Variants in PPIL1 observed in about 807,000 individuals in gnomAD.
The protein encoded by PPIL1 is peptidyl-prolyl cis-trans isomerase-like 1.
PPIL1 carries 14 observed loss-of-function variants against 19.4 expected under a neutral mutation model. The observed-to-expected ratio is 0.72, with a 90% CI of 0.48 to 1.13. PPIL1 has a LOEUF of 1.13. Among genes scored for constraint, PPIL1 ranks in the 50% most tolerant of loss-of-function variants. The pLI is 0.00. For synonymous variants in PPIL1, 72 were observed against 73.6 expected, an observed-to-expected ratio of 0.98 and a Z score of 0.11; for missense variants, 192 against 218.0, an observed-to-expected ratio of 0.88 and a Z score of 0.75.
chr6:36,874,645 G>A, intron 1 of PPIL1, 72 bp downstream of exon 1: 2 of 1,575,486 alleles, frequency 1.3e-6, no homozygotes, highest in Non-Finnish European at 1.7e-6. Flanking sequence ...GAACGCGCCA[G>A]GAACGCAGAC....
At chr6:36,868,789 T>C (rs947161918) in intron 2 of PPIL1, among the ~76,000 whole-genome samples, 3 of 151,974 alleles carry the variant, frequency 2.0e-5, no homozygotes, top group Admixed American at 6.6e-5. Context: ...TGAGCCATGA[T>C]TGTATCACTG....
intron 2 of PPIL1, among the ~76,000 whole-genome samples, chr6:36,869,413 G>C (rs76772690): frequency 1.1e-3 from 164 of 152,376 alleles, no homozygotes; most frequent in Middle Eastern, 3.4e-3. Flanking sequence ...AAGTGGCACA[G>C]TGCATCACAC....
intron 1 of PPIL1, chr6:36,872,090 C>T: frequency 2.6e-6 from 1 of 386,828 alleles, no homozygotes; most frequent in South Asian, 6.3e-5. Context: ...CTGGGTACTT[C>T]TTTTCAGCAA....
intron 2 of PPIL1, among the ~76,000 whole-genome samples, chr6:36,868,550 G>A (rs1774438544): frequency 6.6e-6 from 1 of 152,138 alleles, no homozygotes. Flanking sequence ...TCAAAAATGA[G>A]AAGGCAGCCA....
At chr6:36,867,996 G>C (rs1435535542) in intron 2 of PPIL1, among the ~76,000 whole-genome samples, 1 of 152,152 alleles carries the variant, frequency 6.6e-6, no homozygotes, top group East Asian at 1.9e-4. Flanking sequence ...TGGAAACTAG[G>C]CAAACATACC....
intron 1 of PPIL1, 120 bp downstream of exon 1, chr6:36,874,592 CCGCTG>C: frequency 7.6e-7 from 1 of 1,316,958 alleles, no homozygotes; most frequent in South Asian, 1.2e-5. Context: ...GCCGTCTCGG[CCGCTG>C]CTCCACGCCC....
At chr6:36,871,000 C>G (rs1017926703) in intron 2 of PPIL1, among the ~76,000 whole-genome samples, 1 of 152,198 alleles carries the variant, frequency 6.6e-6, no homozygotes, top group Middle Eastern at 3.2e-3. Flanking sequence ...CACATCACAT[C>G]TTACTCAGAA....
At chr6:36,861,764 T>A (rs572691478) in intron 2 of PPIL1, among the ~76,000 whole-genome samples, 2 of 151,920 alleles carry the variant, frequency 1.3e-5, no homozygotes, top group Admixed American at 1.3e-4. Flanking sequence ...TGGTGCCATC[T>A]TGGCTCACCG....
chr6:36,871,964 G>C (rs1452317611), intron 1 of PPIL1, 92 bp from the exon 2 acceptor site: 5 of 1,187,126 alleles, frequency 4.2e-6, no homozygotes, highest in Non-Finnish European at 5.6e-6. Context: ...TGATTTTCAA[G>C]CTTGTAAGTC....
At chr6:36,860,916 TGA>T (rs377719761) in intron 2 of PPIL1, among the ~76,000 whole-genome samples, 77 of 152,318 alleles carry the variant, frequency 5.1e-4, no homozygotes, top group African/African-American at 1.8e-3. Context: ...CAACACTGTT[TGA>T]GAGACTCATC....
chr6:36,870,200 T>C (rs1774480091), intron 2 of PPIL1, among the ~76,000 whole-genome samples: 1 of 151,828 alleles, frequency 6.6e-6, no homozygotes, highest in Non-Finnish European at 1.5e-5. Flanking sequence ...GAAAAGACTC[T>C]GCTATAGAGA....
chr6:36,872,917 G>C lies in PPIL1; in HGVS notation c.57-1045C>G, dbSNP rs1051653941. On this transcript the variant is annotated intron_variant, in intron 1 of 3. Transcript: ENST00000373699. ...AGCTATGGCACCTGGCCAGATGTGA[G>C]AATTGAGTCAACTCTGTATAGTCTG... Among the ~76,000 whole-genome samples, 12 of 152,222 alleles carry C rather than the reference G, an allele frequency of 7.9e-5. No homozygotes were observed. In the East Asian group the frequency reaches 2.1e-3, roughly 27 times the overall value.
rs568557163 is a variant in PPIL1 at position 36,874,786 on chromosome 6, G to T, written c.-14C>A. 2 of 1,613,926 alleles carry T rather than the reference G, an allele frequency of 1.2e-6. No individual in the cohort carries two copies. Among genetic ancestry groups the T allele is most frequent in the Non-Finnish European group, 1.7e-6 (2 of 1,179,888 alleles). ...AATTGCCGCCATAGCGAAGCCGGCG[G>T]CGGAATGCTTGTCTAGTAATTGCTA... On this transcript the variant is annotated 5_prime_UTR_variant, in exon 1 of 4. Transcript: ENST00000373699.
At position 36,871,740 on chromosome 6, in the gene PPIL1, T is replaced by C; in HGVS notation, c.189A>G (p.Gln63=). 6.2e-7 allele frequency: 1 copy of C among 1,609,586 alleles called. No homozygotes were observed. ...FHRIIKDFMI[Q]GGDPTGTGRG... ...TACCTGTCCCTGTTGGGTCACCTCC[T>C]TGGATCATGAAGTCTTTGATAATTC... The change falls in exon 2 of 4, where the codon CAA becomes CAG. Residue 63 remains glutamine, a synonymous_variant. Coordinates refer to ENST00000373699, the MANE Select transcript of PPIL1 (RefSeq NM_016059.5).
At chr6:36,863,560 TA>T (rs1403492042) in intron 2 of PPIL1, among the ~76,000 whole-genome samples, 1 of 152,230 alleles carries the variant, frequency 6.6e-6, no homozygotes, top group Non-Finnish European at 1.5e-5. Flanking sequence ...ATGTTATTGA[TA>T]TTTCCTATTT....
At chr6:36,868,737 G>A (rs902704101) in intron 2 of PPIL1, among the ~76,000 whole-genome samples, 55 of 152,128 alleles carry the variant, frequency 3.6e-4, no homozygotes, top group African/African-American at 1.3e-3. Flanking sequence ...TCGGGAGGCT[G>A]AGGTAGGAGA....
intron 2 of PPIL1, among the ~76,000 whole-genome samples, chr6:36,865,361 C>T (rs1400513731): frequency 6.6e-6 from 1 of 152,228 alleles, no homozygotes; most frequent in Non-Finnish European, 1.5e-5. Flanking sequence ...TGGCCCCAAA[C>T]TGCTCCTTAC....
At position 36,864,547 on chromosome 6, in the gene PPIL1, C is replaced by T. The variant is rs138381562; in HGVS notation, c.211+7171G>A. On this transcript the variant is annotated intron_variant, in intron 2 of 3. Transcript: ENST00000373699. ...GTTTCCCTAATCACACTCTCCAAAC[C>T]AGCACTTCCCTCACCCTCTAGCCTA... is the stretch of plus-strand genomic sequence containing the variant. Among the ~76,000 whole-genome samples, 226 of 152,240 alleles carry T rather than the reference C, an allele frequency of 1.5e-3. 1 individual carries two copies. Among genetic ancestry groups the T allele is most frequent in the African/African-American group, 5.2e-3 (214 of 41,534 alleles).
At position 36,863,531 on chromosome 6, in the gene PPIL1, T is replaced by C. The variant is rs552470848; in HGVS notation, c.212-6877A>G. Reference sequence around the variant, plus strand: ...CAATTTTTCTCTTTCTAATGGATCATTCCTGTCAGCATTTAAACATGTTAT... The same window carrying C: ...CAATTTTTCTCTTTCTAATGGATCACTCCTGTCAGCATTTAAACATGTTAT... On this transcript the variant is annotated intron_variant, in intron 2 of 3. Coordinates refer to ENST00000373699, the MANE Select transcript of PPIL1 (RefSeq NM_016059.5). 2.0e-5 allele frequency among the ~76,000 whole-genome samples: 3 copies of C among 152,306 alleles called. No homozygotes were observed. In the South Asian group the frequency reaches 6.2e-4, roughly 32 times the overall value.
Sources: gnomAD v4.1 joint callset for allele counts (sites outside exome capture counted in the v4.1 genomes callset) on GRCh38, gnomAD v4.1.1 for gene constraint, MANE v1.5 for transcripts, NCBI Gene and HGNC (gene_info 2026-07-23, HGNC 2026-07-21) for gene names.